KSR2: variants seen among roughly 807,000 people sequenced by gnomAD.
KSR2 encodes the protein kinase suppressor of ras 2.
KSR2 carries 25 observed loss-of-function variants against 107.8 expected under a neutral mutation model. That is an observed-to-expected ratio of 0.23 (90% CI 0.17 to 0.32). The LOEUF (loss-of-function observed/expected upper bound fraction) is 0.32, where lower values mean the gene tolerates loss of function less well. KSR2 is among the 10% of genes least tolerant of loss of function. The pLI, the probability that KSR2 is intolerant of heterozygous loss-of-function variation, is 1.00. For missense variants in KSR2, 887 were observed against 1,268.9 expected (o/e 0.70, Z 4.57); for synonymous variants, 480 against 507.0 (o/e 0.95, Z 0.71).
intron 3 of KSR2, among the ~76,000 whole-genome samples, chr12:117,773,064 C>T (rs937572895): frequency 6.6e-6 from 1 of 152,136 alleles, no homozygotes; most frequent in Non-Finnish European, 1.5e-5. Flanking sequence ...TTCTCTCTGC[C>T]GAAGCTTCAG....
At chr12:117,767,575 A>C (rs1889284839) in intron 3 of KSR2, among the ~76,000 whole-genome samples, 1 of 151,970 alleles carries the variant, frequency 6.6e-6, no homozygotes, top group African/African-American at 2.4e-5. Flanking sequence ...CAAGGTGGGC[A>C]GATCACTTCA....
intron 14 of KSR2, among the ~76,000 whole-genome samples, chr12:117,503,279 T>C (rs1428295249): frequency 6.6e-6 from 1 of 152,172 alleles, no homozygotes; most frequent in Non-Finnish European, 1.5e-5. Context: ...AAGGGTTAAA[T>C]TAGAAGATTC....
At chr12:117,538,327 A>C (rs986158185) in intron 10 of KSR2, among the ~76,000 whole-genome samples, 3 of 152,132 alleles carry the variant, frequency 2.0e-5, no homozygotes, top group African/African-American at 7.2e-5. Context: ...TTAACAAAAA[A>C]CCCAAAGTTC....
chr12:117,697,218 T>C (rs1159437352), intron 4 of KSR2, among the ~76,000 whole-genome samples: 1 of 152,208 alleles, frequency 6.6e-6, no homozygotes, highest in African/African-American at 2.4e-5. Context: ...CAAGTTTAAT[T>C]TGCAAGTTTT....
At chr12:117,952,369 C>A (rs1162773952) in intron 1 of KSR2, among the ~76,000 whole-genome samples, 2 of 152,104 alleles carry the variant, frequency 1.3e-5, no homozygotes, top group African/African-American at 4.8e-5. Flanking sequence ...AACTTTTGGG[C>A]CGGGAATGGT....
intron 1 of KSR2, among the ~76,000 whole-genome samples, chr12:117,883,955 G>A (rs1452993022): frequency 2.6e-5 from 4 of 151,614 alleles, no homozygotes; most frequent in South Asian, 2.1e-4. Flanking sequence ...CTACAGTCAC[G>A]GAAAGCAGGT....
rs1894886232 is a variant in KSR2 at position 117,907,340 on chromosome 12, C to A, written c.181-46909G>T. On this transcript the variant is annotated intron_variant, in intron 1 of 19. Transcript: ENST00000339824. This position sits in a 1 kb window ranked among gnomAD's most constrained non-coding sequence, Gnocchi z 4.3. ...ATGAAACAGGTGCACTCTCTTTGAGCCAGGATTTATAAAGCTCAAGGAAAT... is the reference window on the plus strand; with the variant it reads ...ATGAAACAGGTGCACTCTCTTTGAGACAGGATTTATAAAGCTCAAGGAAAT... Among the ~76,000 whole-genome samples, 1 of 152,092 alleles carries A rather than the reference C, an allele frequency of 6.6e-6. No homozygotes were observed. Among genetic ancestry groups the A allele is most frequent in the Non-Finnish European group, 1.5e-5 (1 of 68,014 alleles).
In KSR2 at chr12:117,540,750, A is replaced by T. The variant is rs979536612; in HGVS notation, c.1519-863T>A. ...CCAAGGACTGCCGGAGCCACCAGAG[A>T]CTGGGAGAGAGGCATGGAACAGATT... is the stretch of plus-strand genomic sequence containing the variant. On this transcript the variant is annotated intron_variant, in intron 9 of 19. Transcript: ENST00000339824. Among the ~76,000 whole-genome samples, 35 of 152,348 alleles carry T rather than the reference A, an allele frequency of 2.3e-4. 1 individual carries two copies. Among genetic ancestry groups the T allele is most frequent in the Non-Finnish European group, 3.2e-4 (22 of 68,030 alleles).
intron 14 of KSR2, among the ~76,000 whole-genome samples, chr12:117,516,356 A>G (rs1421551419): frequency 6.6e-6 from 1 of 152,202 alleles, no homozygotes; most frequent in African/African-American, 2.4e-5. Context: ...GGTGCAAGCC[A>G]GGAGCACAGC....
chr12:117,488,871 T>C (rs1157349697), intron 14 of KSR2, among the ~76,000 whole-genome samples: 1 of 151,980 alleles, frequency 6.6e-6, no homozygotes, highest in African/African-American at 2.4e-5. Flanking sequence ...AGCCACTCAG[T>C]CTGCAGTACC....
intron 5 of KSR2, among the ~76,000 whole-genome samples, chr12:117,594,120 G>T (rs1880497056): frequency 6.6e-6 from 1 of 152,176 alleles, no homozygotes; most frequent in South Asian, 2.1e-4. Context: ...TCCCCTGATG[G>T]AAATATGATG....
intron 14 of KSR2, among the ~76,000 whole-genome samples, chr12:117,513,229 C>G (rs1874142522): frequency 6.6e-6 from 1 of 152,204 alleles, no homozygotes; most frequent in Non-Finnish European, 1.5e-5. Context: ...TATTTATCCT[C>G]ACAGCTCTCC....
intron 3 of KSR2, among the ~76,000 whole-genome samples, chr12:117,841,041 G>A (rs1892455099): frequency 6.6e-6 from 1 of 151,756 alleles, no homozygotes; most frequent in Non-Finnish European, 1.5e-5. Context: ...CAATGTGGAT[G>A]CAAATTATGG....
At chr12:117,656,995 T>TATATATATAATAGG (rs1884207075) in intron 5 of KSR2, among the ~76,000 whole-genome samples, 4 of 122,168 alleles carry the variant, frequency 3.3e-5, no homozygotes, top group African/African-American at 1.3e-4. Context: ...TATATATATA[T>TATATATATAATAGG]ATATATATAT....
chr12:117,674,211 G>T, intron 4 of KSR2: 1 of 457,168 alleles, frequency 2.2e-6, no homozygotes, highest in Non-Finnish European at 4.4e-6. Context: ...ATCTTACATT[G>T]TCTTTGAATG....
intron 5 of KSR2, among the ~76,000 whole-genome samples, chr12:117,654,804 G>A (rs1330331298): frequency 1.3e-5 from 2 of 152,226 alleles, no homozygotes; most frequent in African/African-American, 2.4e-5. Context: ...CTCAGTGGAA[G>A]AGGAGTTCAA....
In KSR2 at chr12:117,719,119, C is replaced by T. The variant is rs368309638; in HGVS notation, c.986+41892G>A. Among the ~76,000 whole-genome samples the T allele has an allele frequency of 1.8e-4, 28 of 152,148 alleles. 1 individual carries two copies. Among genetic ancestry groups the T allele is most frequent in the Non-Finnish European group, 2.5e-4 (17 of 68,020 alleles). On this transcript the variant is annotated intron_variant, in intron 4 of 19. Coordinates refer to ENST00000339824, the MANE Select transcript of KSR2 (RefSeq NM_173598.6). ...TTATTTGGCTCATACAAACCTTAAA[C>T]GTAGATTCATTGGCAACATTTACAA... is the stretch of plus-strand genomic sequence containing the variant.
At position 117,539,798 on chromosome 12, in the gene KSR2, GA is replaced by G; in HGVS notation, c.1607del (p.Leu536ProfsTer61). On this transcript the variant is annotated frameshift_variant, in exon 10 of 20. Transcript: ENST00000339824. LOFTEE classifies it high-confidence loss of function. ...GAGAAGGCGGCGTGGCACTAGGAGG[GA>G]GGGGGGGTGCTGGCGAGGAGGGCGT... ...SSTPSSPAPP[L>X]PPSATPPSPL... 2.5e-6 allele frequency: 4 copies of G among 1,608,376 alleles called. No individual in the cohort carries two copies. Among genetic ancestry groups the G allele is most frequent in the Non-Finnish European group, 3.4e-6 (4 of 1,178,100 alleles).
intron 6 of KSR2, among the ~76,000 whole-genome samples, chr12:117,580,963 C>T (rs1436037908): frequency 6.6e-6 from 1 of 151,892 alleles, no homozygotes; most frequent in Admixed American, 6.6e-5. Flanking sequence ...GATCAAGGGG[C>T]GTGGCCAAAC....
Sources: allele counts gnomAD v4.1 joint callset (sites outside exome capture counted in the v4.1 genomes callset), GRCh38; gene constraint gnomAD v4.1.1; non-coding constraint Gnocchi (gnomAD v3.1); transcripts MANE v1.5; gene names NCBI Gene and HGNC (gene_info 2026-07-23, HGNC 2026-07-21).